KCNH5: variants seen among roughly 807,000 people sequenced by gnomAD.
KCNH5 encodes the protein potassium voltage-gated channel subfamily H member 5, also known as voltage-gated delayed rectifier potassium channel KCNH5.
A neutral mutation model predicts 96.1 loss-of-function variants in KCNH5; 46 were observed. The observed-to-expected ratio is 0.48, with a 90% CI of 0.38 to 0.61. KCNH5 has a LOEUF of 0.61. KCNH5 is among the 20% of genes least tolerant of loss of function. The probability of loss-of-function intolerance (pLI) is 0.00; values close to 1 mark genes in which losing one functional copy is unlikely to be tolerated. For missense variants in KCNH5, 907 were observed against 1,225.8 expected, an observed-to-expected ratio of 0.74 and a Z score of 3.88; for synonymous variants, 439 against 449.8, an observed-to-expected ratio of 0.98 and a Z score of 0.30.
chr14:62,908,782 A>ATTTTTTTTT lies in KCNH5; in HGVS notation c.1369+41342_1369+41350dup, dbSNP rs71120241. On this transcript the variant is annotated intron_variant, in intron 7 of 10. Transcript: ENST00000322893. ...TTGCCCTTTGTTGATTTTGCTTTGT[A>ATTTTTTTTT]TTTTTTTTTTTTTTTTTTTTTTTTT... Among the ~76,000 whole-genome samples the ATTTTTTTTT allele has an allele frequency of 1.8e-3, 43 of 23,720 alleles. 7 individuals carry two copies. Among genetic ancestry groups the ATTTTTTTTT allele is most frequent in the South Asian group, 6.4e-3 (2 of 312 alleles). 15.6% of individuals were successfully genotyped at this position (23,720 alleles called of 152,430 possible).
intron 7 of KCNH5, among the ~76,000 whole-genome samples, chr14:62,930,286 G>A (rs1889556043): frequency 6.6e-6 from 1 of 152,034 alleles, no homozygotes; most frequent in Non-Finnish European, 1.5e-5. Context: ...CACTAACCAT[G>A]ATGATTTTCA....
At chr14:62,754,758 C>T (rs559603550) in intron 10 of KCNH5, among the ~76,000 whole-genome samples, 10 of 151,700 alleles carry the variant, frequency 6.6e-5, no homozygotes, top group Admixed American at 1.3e-4. Flanking sequence ...GGCTTTAGTA[C>T]CAGCTGCTTG....
At chr14:62,789,537 C>A (rs554896003) in intron 9 of KCNH5, among the ~76,000 whole-genome samples, 3 of 152,066 alleles carry the variant, frequency 2.0e-5, no homozygotes, top group African/African-American at 7.2e-5. Flanking sequence ...CCAAACTACA[C>A]TCCCACCAAC....
intron 6 of KCNH5, 95 bp downstream of exon 6, chr14:62,980,776 TA>T (rs1890590266): frequency 3.0e-6 from 4 of 1,315,192 alleles, no homozygotes; most frequent in Non-Finnish European, 3.1e-6. Flanking sequence ...AAGTGGTGGC[TA>T]AAAAGAGGTT....
intron 8 of KCNH5, among the ~76,000 whole-genome samples, chr14:62,830,185 C>CTGT (rs1887313074): frequency 6.6e-6 from 1 of 152,200 alleles, no homozygotes; most frequent in African/African-American, 2.4e-5. Context: ...GTCGATATCA[C>CTGT]TGTTAGCATT....
At chr14:62,827,672 AG>A (rs1887254524) in intron 8 of KCNH5, among the ~76,000 whole-genome samples, 1 of 152,282 alleles carries the variant, frequency 6.6e-6, no homozygotes, top group African/African-American at 2.4e-5. Context: ...GTAAGTGACC[AG>A]GTTTTTTGTC....
chr14:62,727,877 G>T (rs947631255), intron 10 of KCNH5, among the ~76,000 whole-genome samples: 4 of 149,880 alleles, frequency 2.7e-5, no homozygotes, highest in Non-Finnish European at 4.4e-5. Context: ...CAGACTAAAC[G>T]CTCTTTAGCT....
chr14:62,936,821 CA>C (rs1329790822), intron 7 of KCNH5, among the ~76,000 whole-genome samples: 1 of 151,238 alleles, frequency 6.6e-6, no homozygotes, highest in Non-Finnish European at 1.5e-5. Flanking sequence ...ACTAAAAATC[CA>C]AAAACAACAT....
intron 8 of KCNH5, among the ~76,000 whole-genome samples, chr14:62,817,735 A>G (rs7155965): frequency 0.037 from 4,832 of 131,696 alleles, 183 homozygotes; most frequent in African/African-American, 0.11. Context: ...TATTCTATAT[A>G]ATAATATATT....
chr14:62,950,211 T>C lies in KCNH5; in HGVS notation c.1291A>G (p.Thr431Ala). Reference sequence around the variant, plus strand: ...GCTATGTTTCCAAATCCTATGGTTGTAAGGCTTGTCATGGTAAAGTAGAGA... The same window carrying C: ...GCTATGTTTCCAAATCCTATGGTTGCAAGGCTTGTCATGGTAAAGTAGAGA... ...SSLYFTMTSL[T>A]TIGFGNIAPT... Residue 431 changes from threonine to alanine, a missense_variant, in exon 7 of 11, where the codon ACA becomes GCA. Physicochemically the swap from Thr to Ala is moderately conservative, Grantham distance 58. Coordinates refer to ENST00000322893, the MANE Select transcript of KCNH5 (RefSeq NM_139318.5). 6.2e-7 allele frequency: 1 copy of C among 1,613,952 alleles called. No homozygotes were observed. The highest frequency in any genetic ancestry group is 8.5e-7 in the Non-Finnish European group (1 of 1,179,904).
chr14:62,784,588 T>C (rs1254966816), intron 9 of KCNH5, among the ~76,000 whole-genome samples: 2 of 152,180 alleles, frequency 1.3e-5, no homozygotes, highest in South Asian at 2.1e-4. Context: ...TACTTCTTAA[T>C]AAAACTGAAT....
chr14:62,712,000 T>C (rs534728138), intron 10 of KCNH5, among the ~76,000 whole-genome samples: 43 of 152,092 alleles, frequency 2.8e-4, no homozygotes, highest in African/African-American at 9.9e-4. Flanking sequence ...CTGAAGTAGA[T>C]CCCCCTTTCT....
At chr14:62,940,675 G>T (rs912407008) in intron 7 of KCNH5, among the ~76,000 whole-genome samples, 1 of 152,132 alleles carries the variant, frequency 6.6e-6, no homozygotes, top group Non-Finnish European at 1.5e-5. Context: ...CATATACTAT[G>T]TTCTCTATAC....
intron 10 of KCNH5, among the ~76,000 whole-genome samples, chr14:62,755,504 A>G (rs1010512231): frequency 6.6e-6 from 1 of 152,232 alleles, no homozygotes; most frequent in Non-Finnish European, 1.5e-5. Context: ...TTAAACATTT[A>G]AAGAACTAAT....
chr14:62,948,139 C>T (rs1220478161), intron 7 of KCNH5, among the ~76,000 whole-genome samples: 2 of 152,016 alleles, frequency 1.3e-5, no homozygotes, highest in Non-Finnish European at 1.5e-5. Flanking sequence ...CATCCATGTC[C>T]CTACAAAGGA....
At chr14:62,945,311 G>A (rs1889865733) in intron 7 of KCNH5, among the ~76,000 whole-genome samples, 1 of 152,108 alleles carries the variant, frequency 6.6e-6, no homozygotes, top group Non-Finnish European at 1.5e-5. Context: ...CCCAAAGGAA[G>A]ACAATGCAGG....
intron 9 of KCNH5, among the ~76,000 whole-genome samples, chr14:62,794,683 T>C (rs1595625228): frequency 6.6e-6 from 1 of 152,136 alleles, no homozygotes; most frequent in Non-Finnish European, 1.5e-5. Flanking sequence ...AAATACACTT[T>C]AAAAGTTTGT....
chr14:62,982,007 G>A (rs895892920), intron 5 of KCNH5, among the ~76,000 whole-genome samples: 1 of 152,160 alleles, frequency 6.6e-6, no homozygotes, highest in Non-Finnish European at 1.5e-5. Context: ...CAGAGCAAGA[G>A]TAGAGGTTTG....
At chr14:62,727,971 C>A (rs948660215) in intron 10 of KCNH5, among the ~76,000 whole-genome samples, 1 of 149,284 alleles carries the variant, frequency 6.7e-6, no homozygotes, top group Non-Finnish European at 1.5e-5. Flanking sequence ...GCATAGCACA[C>A]GAGATACTCC....
Sources: gnomAD v4.1 joint callset for allele counts (sites outside exome capture counted in the v4.1 genomes callset) on GRCh38, gnomAD v4.1.1 for gene constraint, MANE v1.5 for transcripts, NCBI Gene and HGNC (gene_info 2026-07-23, HGNC 2026-07-21) for gene names.